MATN3: variants seen among roughly 807,000 people sequenced by gnomAD.
MATN3 encodes the protein matrilin 3.
A neutral mutation model predicts 45.3 loss-of-function variants in MATN3; 48 were observed. That is an observed-to-expected ratio of 1.06 (90% CI 0.84 to 1.35). The LOEUF is 1.35. Ranked by LOEUF, MATN3 falls within the 40% of genes most tolerant of loss-of-function variation. The pLI, the probability that MATN3 is intolerant of heterozygous loss-of-function variation, is 0.00. For missense variants in MATN3, 599 were observed against 628.0 expected, an observed-to-expected ratio of 0.95 and a Z score of 0.49; for synonymous variants, 217 against 245.9, an observed-to-expected ratio of 0.88 and a Z score of 1.10.
At chr2:20,004,781 A>G (rs1673063620) in intron 2 of MATN3, among the ~76,000 whole-genome samples, 1 of 152,234 alleles carries the variant, frequency 6.6e-6, no homozygotes, top group Non-Finnish European at 1.5e-5. Context: ...CAATAAATGC[A>G]TGCTGAATAA....
At chr2:20,004,286 A>G (rs962322896) in intron 2 of MATN3, 1 of 152,208 alleles carries the variant, frequency 6.6e-6, no homozygotes, top group Non-Finnish European at 1.5e-5. Flanking sequence ...CAGAAGGAAA[A>G]GATTGCCACT....
chr2:19,994,349 A>G lies in MATN3; in HGVS notation c.1355T>C (p.Leu452Pro). ...CGAGCTGACCTTGTCCTGGAATGCC[A>G]GTGTAGCTTCACATCCACAAGCATC... ...TEDACGCEATLAFQDKVSSYL... is the reference protein window; with the variant it reads ...TEDACGCEATPAFQDKVSSYL... Residue 452 changes from leucine (L) to proline (P), a missense_variant, in exon 7 of 8, where the codon CTG (leucine) becomes CCG (proline). Leu to Pro is a moderately conservative substitution (Grantham distance 98). Coordinates refer to ENST00000407540, the MANE Select transcript of MATN3 (RefSeq NM_002381.5). 1 of 1,613,724 alleles carries G rather than the reference A, an allele frequency of 6.2e-7. No individual in the cohort carries two copies. Among genetic ancestry groups the G allele is most frequent in the Non-Finnish European group, 8.5e-7 (1 of 1,179,746 alleles).
intron 3 of MATN3, 67 bp downstream of exon 3, chr2:20,003,094 A>C (rs1673019762): frequency 6.3e-7 from 1 of 1,586,834 alleles, no homozygotes; most frequent in African/African-American, 1.3e-5. Flanking sequence ...GCACAAGGCC[A>C]GTCCAAAACC....
intron 1 of MATN3, among the ~76,000 whole-genome samples, chr2:20,007,447 T>C (rs947823153): frequency 6.6e-6 from 1 of 151,862 alleles, no homozygotes; most frequent in Non-Finnish European, 1.5e-5. Flanking sequence ...GAGAATCGCT[T>C]AAACCCGGGA....
chr2:19,999,768 G>A (rs543833147), intron 5 of MATN3, among the ~76,000 whole-genome samples: 6 of 152,152 alleles, frequency 3.9e-5, no homozygotes, highest in South Asian at 4.2e-4. Flanking sequence ...AAAGCTAAAC[G>A]GCACCTTGAG....
chr2:20,007,550 G>C (rs1321557628), intron 1 of MATN3, among the ~76,000 whole-genome samples: 2 of 152,100 alleles, frequency 1.3e-5, no homozygotes, highest in East Asian at 3.9e-4. Context: ...TAGAATGAGG[G>C]ATGCCAACTT....
At chr2:19,994,910 A>G (rs1333919995) in intron 6 of MATN3, among the ~76,000 whole-genome samples, 1 of 151,918 alleles carries the variant, frequency 6.6e-6, no homozygotes, top group Admixed American at 6.6e-5. Flanking sequence ...GCAACGAAGC[A>G]AGGCCCTGTC....
chr2:19,993,243 G>A, intron 7 of MATN3, 77 bp from the exon 8 acceptor site: 2 of 1,078,498 alleles, frequency 1.9e-6, no homozygotes, highest in East Asian at 2.4e-5. Flanking sequence ...CACTTCACAA[G>A]ATAAAATAAT....
intron 1 of MATN3, among the ~76,000 whole-genome samples, chr2:20,006,877 C>A (rs183123392): frequency 2.0e-5 from 3 of 152,294 alleles, no homozygotes; most frequent in Non-Finnish European, 2.9e-5. Context: ...TCCATCTGGC[C>A]ATCTTTCCTG....
rs777657084 is a variant in MATN3 at position 20,006,251 on chromosome 2, G to A, written c.283C>T (p.Arg95Trp). Residue 95 changes from arginine (R) to tryptophan (W), a missense_variant, in exon 2 of 8, where the codon CGG (arginine) becomes TGG (tryptophan). By Grantham distance (101) the Arg-to-Trp change is moderately radical. Coordinates refer to ENST00000407540, the MANE Select transcript of MATN3 (RefSeq NM_002381.5). ...TTCACTTTGGTGAATTCCAGGGGCC[G>A]TACGCTACGAGAACTATCAATGATA... is the stretch of plus-strand genomic sequence containing the variant. ...VFIIDSSRSV[R>W]PLEFTKVKTF... The A allele has an allele frequency of 4.4e-5, 70 of 1,607,946 alleles. No homozygotes were observed. The highest frequency in any genetic ancestry group is 1.6e-4 in the Middle Eastern group (1 of 6,072).
In MATN3 at chr2:20,006,004, T is replaced by G; in HGVS notation, c.530A>C (p.Glu177Ala). 6.2e-7 allele frequency: 1 copy of G among 1,614,018 alleles called. No homozygotes were observed. Among genetic ancestry groups the G allele is most frequent in the Non-Finnish European group, 8.5e-7 (1 of 1,179,888 alleles). Reference sequence around the variant, plus strand: ...AGAAGAGGGCTCTCGAGCCCCTGCCTCCACTGTGAAGGCTTCGTCCATTGC... The same window carrying G: ...AGAAGAGGGCTCTCGAGCCCCTGCCGCCACTGTGAAGGCTTCGTCCATTGC... ...QTAMDEAFTV[E>A]AGAREPSSNI... Residue 177 changes from glutamate to alanine, a missense_variant, in exon 2 of 8, where the codon GAG becomes GCG. Physicochemically the swap from Glu to Ala is moderately radical, Grantham distance 107. Coordinates refer to ENST00000407540, the MANE Select transcript of MATN3 (RefSeq NM_002381.5).
chr2:20,000,712 T>C (rs1672969406), intron 4 of MATN3, 146 bp from the exon 5 acceptor site: 5 of 721,356 alleles, frequency 6.9e-6, no homozygotes, highest in South Asian at 6.2e-5. Context: ...TTTTTCTAAC[T>C]AGAAGTTAAC....
At chr2:19,996,736 C>G (rs1338179546) in intron 6 of MATN3, among the ~76,000 whole-genome samples, 2 of 152,152 alleles carry the variant, frequency 1.3e-5, no homozygotes, top group African/African-American at 2.4e-5. Flanking sequence ...TTCATCGGCA[C>G]AGACTTTTAT....
chr2:20,007,065 G>A lies in MATN3; in HGVS notation c.224-755C>T, dbSNP rs192789132. 1.5e-4 allele frequency among the ~76,000 whole-genome samples: 23 copies of A among 152,232 alleles called. No homozygotes were observed. In the South Asian group the frequency reaches 2.7e-3, roughly 18 times the overall value. On this transcript the variant is annotated intron_variant, in intron 1 of 7. Coordinates refer to ENST00000407540, the MANE Select transcript of MATN3 (RefSeq NM_002381.5). ...CTACTAAAAATACAAAAAATTAGCCGGGCGTGGTAGTGGGTGCCTGTATTC... is the reference window on the plus strand; with the variant it reads ...CTACTAAAAATACAAAAAATTAGCCAGGCGTGGTAGTGGGTGCCTGTATTC...
At chr2:19,993,809 G>A (rs1272730288) in intron 7 of MATN3, among the ~76,000 whole-genome samples, 1 of 152,118 alleles carries the variant, frequency 6.6e-6, no homozygotes, top group Non-Finnish European at 1.5e-5. Context: ...CTTTTCCCTA[G>A]TTACTCCTTT....
At chr2:19,996,007 A>G (rs1375998792) in intron 6 of MATN3, among the ~76,000 whole-genome samples, 4 of 152,338 alleles carry the variant, frequency 2.6e-5, no homozygotes, top group Middle Eastern at 3.4e-3. Context: ...CCCTGTACCC[A>G]TAAGATGGGT....
At position 20,005,743 on chromosome 2, in the gene MATN3, C is replaced by T; in HGVS notation, c.790+1G>A. The T allele has an allele frequency of 1.9e-6, 3 of 1,591,908 alleles. No individual in the cohort carries two copies. The highest frequency in any genetic ancestry group is 2.6e-6 in the Non-Finnish European group (3 of 1,165,790). ...TTGGAAGCAAAGACTGACCAACTTA[C>T]CACAGAAGGTTTCCTGGAATCTAGA... On this transcript the variant is annotated splice_donor_variant, in intron 2 of 7. Coordinates refer to ENST00000407540, the MANE Select transcript of MATN3 (RefSeq NM_002381.5). LOFTEE classifies it high-confidence loss of function.
At chr2:20,002,191 C>CACACACACACACACAG (rs147407955) in intron 3 of MATN3, 111 bp from the exon 4 acceptor site, 16,962 of 755,050 alleles carry the variant, frequency 0.022, 420 homozygotes, top group South Asian at 0.032. Context: ...CACACACACA[C>CACACACACACACACAG]AGAGCTAATG....
At chr2:20,010,004 T>C (rs1673184982) in intron 1 of MATN3, among the ~76,000 whole-genome samples, 1 of 138,698 alleles carries the variant, frequency 7.2e-6, no homozygotes, top group African/African-American at 2.8e-5. Flanking sequence ...TCAGGACCTC[T>C]TGAGGGCTGT....
Sources: allele counts gnomAD v4.1 joint callset (sites outside exome capture counted in the v4.1 genomes callset), GRCh38; gene constraint gnomAD v4.1.1; transcripts MANE v1.5; gene names NCBI Gene and HGNC (gene_info 2026-07-23, HGNC 2026-07-21).